Variants in STK32B observed in about 807,000 individuals in gnomAD.
The protein encoded by STK32B is serine/threonine-protein kinase 32B.
Under a neutral mutation model 52.6 loss-of-function variants are expected in STK32B, and 43 were observed. That is an observed-to-expected ratio of 0.82 (90% CI 0.64 to 1.05). The LOEUF (loss-of-function observed/expected upper bound fraction) is 1.05. Ranked by LOEUF, STK32B falls within the 50% of genes least tolerant of loss-of-function variation. The pLI is 0.00. For synonymous variants in STK32B, 238 were observed against 204.3 expected (o/e 1.17, Z -1.41); for missense variants, 621 against 534.6 (o/e 1.16, Z -1.59).
intron 3 of STK32B, among the ~76,000 whole-genome samples, chr4:5,198,249 C>CT (rs1417105990): frequency 6.6e-6 from 1 of 152,184 alleles, no homozygotes; most frequent in African/African-American, 2.4e-5. Context: ...AGCCAACACT[C>CT]TATCAAAAAA....
At position 5,499,216 on chromosome 4, in the gene STK32B, C is replaced by G. The variant is rs1052712365; in HGVS notation, c.*133C>G. On this transcript the variant is annotated 3_prime_UTR_variant, in exon 12 of 12. Transcript: ENST00000282908. ...TGCAGAAAAAGCCCTGGACTTGGAG[C>G]TGGGAAGCCTGGGTTCTGGTCCCAT... is the stretch of plus-strand genomic sequence containing the variant. 8.4e-5 allele frequency: 107 copies of G among 1,280,584 alleles called. 1 individual carries two copies. In the East Asian group the frequency reaches 1.6e-3, roughly 19 times the overall value. 79.3% of individuals were successfully genotyped at this position (1,280,584 alleles called of 1,614,324 possible).
At chr4:5,338,254 AGAG>A (rs1732837285) in intron 4 of STK32B, among the ~76,000 whole-genome samples, 1 of 152,194 alleles carries the variant, frequency 6.6e-6, no homozygotes, top group African/African-American at 2.4e-5. Flanking sequence ...AGCAAAATGA[AGAG>A]GAGAAGGAGA....
chr4:5,039,657 G>A, the STK32B span, among the ~76,000 whole-genome samples: 4 of 152,302 alleles, frequency 2.6e-5, no homozygotes, highest in South Asian at 8.3e-4. Flanking sequence ...ATCATTATCA[G>A]GTGTTATGTA....
Position 5,381,362 on chromosome 4 carries a change from C to T in STK32B, c.435-16845C>T, listed in dbSNP as rs185615731. ...TAAGAGACAGAGCCAGGCTTAGAAA[C>T]CAGGTCTCTCTGATGCTGTTGGAGG... On this transcript the variant is annotated intron_variant, in intron 4 of 11. Transcript: ENST00000282908. Among the ~76,000 whole-genome samples, 616 of 152,290 alleles carry T rather than the reference C, an allele frequency of 4.0e-3. 3 individuals are homozygous for T. Among genetic ancestry groups the T allele is most frequent in the Non-Finnish European group, 6.6e-3 (449 of 68,028 alleles).
chr4:5,333,541 A>C (rs1732417579), intron 4 of STK32B, among the ~76,000 whole-genome samples: 1 of 152,276 alleles, frequency 6.6e-6, no homozygotes, highest in East Asian at 1.9e-4. Context: ...TTAGACATGA[A>C]GTCCTTGCCC....
rs1260194535 is a variant in STK32B, at chr4:5,063,747, C to T, written c.52+11832C>T. 2.0e-5 allele frequency among the ~76,000 whole-genome samples: 3 copies of T among 152,280 alleles called. No homozygotes were observed. The East Asian group carries it at 5.8e-4, about 29-fold the overall frequency. ...TTCAGCATGTCTTAATCTGGGTTAG[C>T]TACAATTAAAGTGTTCAAAAGTCAC... On this transcript the variant is annotated intron_variant, in intron 1 of 11. Coordinates refer to ENST00000282908, the MANE Select transcript of STK32B (RefSeq NM_018401.3).
At chr4:5,463,155 G>T (rs1469455771) in intron 9 of STK32B, among the ~76,000 whole-genome samples, 1 of 152,230 alleles carries the variant, frequency 6.6e-6, no homozygotes, top group Non-Finnish European at 1.5e-5. Context: ...GCACATTTTG[G>T]ACAGTCCAGA....
intron 6 of STK32B, among the ~76,000 whole-genome samples, chr4:5,420,633 C>T (rs1712547784): frequency 6.6e-6 from 1 of 152,072 alleles, no homozygotes; most frequent in Non-Finnish European, 1.5e-5. Context: ...CAGGATCCCC[C>T]AAGGAGGATG....
At chr4:5,221,621 T>C (rs2108796861) in intron 3 of STK32B, among the ~76,000 whole-genome samples, 1 of 152,270 alleles carries the variant, frequency 6.6e-6, no homozygotes, top group Non-Finnish European at 1.5e-5. Flanking sequence ...ACTATGGTTT[T>C]AGTGTGTGCC....
intron 11 of STK32B, among the ~76,000 whole-genome samples, chr4:5,473,578 C>G: frequency 6.6e-6 from 1 of 152,148 alleles, no homozygotes; most frequent in East Asian, 1.9e-4. Flanking sequence ...GCTCCAGAGC[C>G]CCAGGCTGAA....
chr4:5,159,414 G>A (rs1017287013), intron 2 of STK32B, among the ~76,000 whole-genome samples: 12 of 150,246 alleles, frequency 8.0e-5, no homozygotes, highest in African/African-American at 2.2e-4. Flanking sequence ...TGTTTTACTC[G>A]AGGTTCTCTA....
chr4:5,120,863 C>T (rs976793641), intron 1 of STK32B, among the ~76,000 whole-genome samples: 1 of 151,004 alleles, frequency 6.6e-6, no homozygotes, highest in South Asian at 2.1e-4. Context: ...AATAATATAA[C>T]ACTTCATTTA....
At chr4:5,430,726 G>A (rs1713507813) in intron 6 of STK32B, among the ~76,000 whole-genome samples, 1 of 152,190 alleles carries the variant, frequency 6.6e-6, no homozygotes, top group African/African-American at 2.4e-5. Flanking sequence ...GTAGCATTGA[G>A]TCAATCTAAT....
At chr4:5,417,885 C>A (rs1712293259) in intron 6 of STK32B, among the ~76,000 whole-genome samples, 1 of 152,206 alleles carries the variant, frequency 6.6e-6, no homozygotes, top group Non-Finnish European at 1.5e-5. Flanking sequence ...CAGCTGGGAG[C>A]TAGGTTCAGC....
intron 11 of STK32B, among the ~76,000 whole-genome samples, chr4:5,475,505 C>A (rs2109185486): frequency 6.7e-6 from 1 of 148,166 alleles, no homozygotes. Context: ...TCAAAACCAA[C>A]CTGGCCAACA....
Position 5,344,566 on chromosome 4 carries a change from C to G in STK32B, c.434+13173C>G, listed in dbSNP as rs185783073. 6.1e-3 allele frequency among the ~76,000 whole-genome samples: 934 copies of G among 152,182 alleles called. 44 individuals carry two copies. The highest frequency in any genetic ancestry group is 0.058 in the Admixed American group (879 of 15,280). ...TTGCCTTGGAGTTGCTGATTCCAGT[C>G]TTGGGAAAATATCTGCTTATTAAAT... On this transcript the variant is annotated intron_variant, in intron 4 of 11. Transcript: ENST00000282908.
At chr4:5,317,764 CAA>C (rs1731205721) in intron 3 of STK32B, among the ~76,000 whole-genome samples, 1 of 151,220 alleles carries the variant, frequency 6.6e-6, no homozygotes, top group African/African-American at 2.4e-5. Context: ...GAAGGATAAA[CAA>C]AGAGTTAAGA....
At chr4:5,253,283 C>T (rs547361561) in intron 3 of STK32B, among the ~76,000 whole-genome samples, 1 of 152,062 alleles carries the variant, frequency 6.6e-6, no homozygotes, top group Non-Finnish European at 1.5e-5. Flanking sequence ...TCCAACTAGA[C>T]AATATATTTG....
rs1296139897 is a variant in STK32B, at chr4:5,492,684, C to T, written c.1107-6261C>T. Reference sequence around the variant, plus strand: ...TCAAAGGGAATGCTTCCAGTTTTTGCCCATTCAGTATGATATTGGCTGTGG... The same window carrying T: ...TCAAAGGGAATGCTTCCAGTTTTTGTCCATTCAGTATGATATTGGCTGTGG... On this transcript the variant is annotated intron_variant, in intron 11 of 11. Transcript: ENST00000282908. Among the ~76,000 whole-genome samples, 13 of 151,042 alleles carry T rather than the reference C, an allele frequency of 8.6e-5. No individual in the cohort carries two copies. The East Asian group carries it at 1.2e-3, about 13-fold the overall frequency.
Sources: allele counts gnomAD v4.1 joint callset (sites outside exome capture counted in the v4.1 genomes callset), GRCh38; gene constraint gnomAD v4.1.1; transcripts MANE v1.5; gene names NCBI Gene and HGNC (gene_info 2026-07-23, HGNC 2026-07-21).